NOS1: variants seen among roughly 807,000 people sequenced by gnomAD.
The protein encoded by NOS1 is NOS type I.
NOS1 carries 51 observed loss-of-function variants against 164.5 expected under a neutral mutation model. The ratio of observed to expected loss-of-function variants is 0.31; its 90% CI spans 0.25 to 0.39. The LOEUF (loss-of-function observed/expected upper bound fraction) is 0.39. Ranked by LOEUF, NOS1 falls within the 10% of genes least tolerant of loss-of-function variation. The pLI is 1.00. For missense variants in NOS1, 1,362 were observed against 1,885.6 expected (o/e 0.72, Z 5.14); for synonymous variants, 719 against 745.8 (o/e 0.96, Z 0.59).
At chr12:117,302,444 A>G (rs1289452182) in intron 3 of NOS1, among the ~76,000 whole-genome samples, 1 of 151,934 alleles carries the variant, frequency 6.6e-6, no homozygotes, top group African/African-American at 2.4e-5. Flanking sequence ...AATACAAAAA[A>G]TTAGCCGGGT....
chr12:117,237,961 G>A (rs1216278232), intron 20 of NOS1, among the ~76,000 whole-genome samples: 1 of 152,108 alleles, frequency 6.6e-6, no homozygotes, highest in Admixed American at 6.6e-5. Flanking sequence ...CTTCTCTGGC[G>A]ATTTGACACT....
chr12:117,277,755 T>C (rs1873303026), intron 9 of NOS1, among the ~76,000 whole-genome samples: 1 of 152,114 alleles, frequency 6.6e-6, no homozygotes, highest in Non-Finnish European at 1.5e-5. Flanking sequence ...AAGGTGGTGG[T>C]CCCCAGGCTG....
In NOS1 at chr12:117,269,695, T is replaced by A. The variant is rs902391889; in HGVS notation, c.1840-1551A>T. Among the ~76,000 whole-genome samples, 5 of 152,178 alleles carry A rather than the reference T, an allele frequency of 3.3e-5. No individual in the cohort carries two copies. In the East Asian group the frequency reaches 9.7e-4, roughly 30 times the overall value. On this transcript the variant is annotated intron_variant, in intron 10 of 28. Transcript: ENST00000317775. ...GTTGGCCAGGATGGTCTCGATCTCT[T>A]GACCTCGTGATCCACCCACCTCGGC...
intron 1 of NOS1, among the ~76,000 whole-genome samples, chr12:117,345,414 A>G (rs947804261): frequency 1.3e-5 from 2 of 152,086 alleles, no homozygotes; most frequent in Admixed American, 6.6e-5. Flanking sequence ...CTTCCTGGTG[A>G]AATACCTCCA....
At chr12:117,222,060 G>A (rs1480675715) in intron 26 of NOS1, among the ~76,000 whole-genome samples, 4 of 151,888 alleles carry the variant, frequency 2.6e-5, no homozygotes, top group Non-Finnish European at 4.4e-5. Context: ...TCAGTGTTAC[G>A]GGATCATCAC....
At chr12:117,239,679 T>C (rs1870008272) in intron 20 of NOS1, among the ~76,000 whole-genome samples, 2 of 152,030 alleles carry the variant, frequency 1.3e-5, no homozygotes, top group African/African-American at 2.4e-5. Flanking sequence ...AGGAGAGTCA[T>C]GCTTTTCCAC....
intron 27 of NOS1, 71 bp downstream of exon 27, chr12:117,220,004 G>A: frequency 1.4e-6 from 2 of 1,444,718 alleles, no homozygotes; most frequent in Non-Finnish European, 1.9e-6. Context: ...ATCAAGACAG[G>A]TTGGATGAAA....
chr12:117,309,758 G>C (rs1028268789), intron 3 of NOS1, among the ~76,000 whole-genome samples: 5 of 152,144 alleles, frequency 3.3e-5, no homozygotes, highest in African/African-American at 1.2e-4. Context: ...CTAAAAAGTT[G>C]GATAACAGAT....
intron 27 of NOS1, among the ~76,000 whole-genome samples, chr12:117,219,604 G>T (rs1438124670): frequency 6.6e-6 from 1 of 152,172 alleles, no homozygotes. Context: ...ACCGAGCCCA[G>T]CCGGGGTGAG....
intron 17 of NOS1, among the ~76,000 whole-genome samples, chr12:117,249,103 G>C (rs913951976): frequency 2.0e-5 from 3 of 152,136 alleles, no homozygotes; most frequent in Non-Finnish European, 4.4e-5. Flanking sequence ...TTAGCCCTTT[G>C]TCAGATAAGT....
At chr12:117,215,360 CA>C in intron 28 of NOS1, 36 bp from the exon 29 acceptor site, 1 of 1,500,718 alleles carries the variant, frequency 6.7e-7, no homozygotes, top group South Asian at 1.4e-5. Flanking sequence ...GTTAGTGCCC[CA>C]AGGGCAAGGC....
At chr12:117,303,990 G>C (rs1246638996) in intron 3 of NOS1, among the ~76,000 whole-genome samples, 1 of 152,196 alleles carries the variant, frequency 6.6e-6, no homozygotes, top group East Asian at 1.9e-4. Flanking sequence ...GGCTAACTCA[G>C]TGAAACCCCG....
intron 10 of NOS1, among the ~76,000 whole-genome samples, chr12:117,270,722 G>A (rs1036354720): frequency 6.6e-6 from 1 of 151,952 alleles, no homozygotes; most frequent in Non-Finnish European, 1.5e-5. Flanking sequence ...TTTCCTTCCT[G>A]CTAGAAGTTT....
chr12:117,293,554 A>T (rs1352410570), intron 3 of NOS1, among the ~76,000 whole-genome samples: 1 of 152,044 alleles, frequency 6.6e-6, no homozygotes, highest in Non-Finnish European at 1.5e-5. Context: ...TATTATTATA[A>T]ATGTTATTAT....
intron 1 of NOS1, among the ~76,000 whole-genome samples, chr12:117,334,355 G>C (rs943047465): frequency 6.6e-6 from 1 of 152,154 alleles, no homozygotes; most frequent in Admixed American, 6.5e-5. Flanking sequence ...GACAGAGACA[G>C]AGAGGGAGGG....
At chr12:117,342,276 G>A (rs1311636505) in intron 1 of NOS1, among the ~76,000 whole-genome samples, 1 of 152,148 alleles carries the variant, frequency 6.6e-6, no homozygotes, top group East Asian at 1.9e-4. Flanking sequence ...AAGATAGACA[G>A]CATCCCTGCC....
At chr12:117,331,930 C>A (rs1277429048) in intron 1 of NOS1, among the ~76,000 whole-genome samples, 1 of 152,190 alleles carries the variant, frequency 6.6e-6, no homozygotes, top group Non-Finnish European at 1.5e-5. Flanking sequence ...CTCTCTGTTC[C>A]AGCCACTCCC....
chr12:117,287,590 C>T (rs998366430), intron 5 of NOS1, among the ~76,000 whole-genome samples: 1 of 152,070 alleles, frequency 6.6e-6, no homozygotes, highest in African/African-American at 2.4e-5. Context: ...AGGTGTGCAC[C>T]ACCATGCCCT....
Position 117,221,579 on chromosome 12 carries a change from C to T in NOS1, c.3975+1136G>A, listed in dbSNP as rs187286309. ...GATTACAGGTGTGAACCACCACACC[C>T]GGCCTAAATTTGTTTTTTTTAATTT... On this transcript the variant is annotated intron_variant, in intron 26 of 28. Transcript: ENST00000317775. Among the ~76,000 whole-genome samples the T allele has an allele frequency of 9.3e-5, 14 of 150,944 alleles. No individual in the cohort carries two copies. In the East Asian group the frequency reaches 9.9e-4, roughly 11 times the overall value.
Sources: gnomAD v4.1 joint callset for allele counts (sites outside exome capture counted in the v4.1 genomes callset) on GRCh38, gnomAD v4.1.1 for gene constraint, MANE v1.5 for transcripts, NCBI Gene and HGNC (gene_info 2026-07-23, HGNC 2026-07-21) for gene names.